Variants in TNFAIP8 observed in about 807,000 individuals in gnomAD.
TNFAIP8 encodes TNF alpha induced protein 8.
TNFAIP8 carries 7 observed loss-of-function variants against 13.3 expected under a neutral mutation model. The observed-to-expected ratio is 0.52, with a 90% CI of 0.30 to 0.99. The LOEUF is 0.99. Ranked by LOEUF, TNFAIP8 falls within the 50% of genes least tolerant of loss-of-function variation. The pLI is 0.07. For missense variants in TNFAIP8, 258 were observed against 236.9 expected, an observed-to-expected ratio of 1.09 and a Z score of -0.58; for synonymous variants, 94 against 87.6, an observed-to-expected ratio of 1.07 and a Z score of -0.41.
chr5:119,280,878 A>G (rs1414865021), intron 1 of TNFAIP8, among the ~76,000 whole-genome samples: 6 of 152,044 alleles, frequency 3.9e-5, no homozygotes, highest in Non-Finnish European at 7.4e-5. Flanking sequence ...AATTGATTTC[A>G]TGTCATTCTC....
chr5:119,324,039 T>C (rs1378052209), intron 1 of TNFAIP8, among the ~76,000 whole-genome samples: 4 of 152,046 alleles, frequency 2.6e-5, no homozygotes, highest in African/African-American at 9.7e-5. Flanking sequence ...GCTGTTGTAA[T>C]GACTCTAAAA....
Position 119,360,229 on chromosome 5 carries a change from T to C in TNFAIP8, c.31+4108T>C, listed in dbSNP as rs1329421472. ...AGGAAGTAGCCAAAAAGTGGGTGGG[T>C]GAAAGAGAATGCAGTAGAGCCAGAA... On this transcript the variant is annotated intron_variant, in intron 1 of 1. Transcript: ENST00000504771. 1.3e-5 allele frequency among the ~76,000 whole-genome samples: 2 copies of C among 152,084 alleles called. 1 individual carries two copies. Among genetic ancestry groups the C allele is most frequent in the East Asian group, 3.8e-4 (2 of 5,200 alleles).
intron 1 of TNFAIP8, among the ~76,000 whole-genome samples, chr5:119,383,096 A>G (rs1752547789): frequency 6.6e-6 from 1 of 152,246 alleles, no homozygotes; most frequent in Admixed American, 6.5e-5. Context: ...TTAACTAGAG[A>G]TAATTTTCCC....
At chr5:119,305,266 A>G (rs1329704512) in intron 1 of TNFAIP8, among the ~76,000 whole-genome samples, 2 of 152,174 alleles carry the variant, frequency 1.3e-5, no homozygotes, top group Non-Finnish European at 2.9e-5. Flanking sequence ...TCAAATGACT[A>G]TTTTCTTAAT....
chr5:119,282,751 T>C (rs1210912001), intron 1 of TNFAIP8, among the ~76,000 whole-genome samples: 1 of 152,182 alleles, frequency 6.6e-6, no homozygotes, highest in Non-Finnish European at 1.5e-5. Flanking sequence ...CATCAGTGGG[T>C]GCCAGGGATT....
At chr5:119,351,788 C>CTTTTTTTTTTTTTTTTTTTTTTTTTT (rs1177061965), upstream of TNFAIP8, among the ~76,000 whole-genome samples, 6 of 138,230 alleles carry the variant, frequency 4.3e-5, no homozygotes, top group South Asian at 2.2e-4. Context: ...TTTTCTTTTT[C>CTTTTTTTTTTTTTTTTTTTTTTTTTT]TTTTTTTCTT....
rs549966752 is a variant in TNFAIP8, at chr5:119,308,804, A to T, written c.1+39897A>T. On this transcript the variant is annotated intron_variant, in intron 1 of 1. Transcript: ENST00000274456. ...TTGAACCCAGGTGGCAGAGTGAGCC[A>T]AGATTGTGCCACTGCACTCCAGCCT... Among the ~76,000 whole-genome samples, 10 of 150,950 alleles carry T rather than the reference A, an allele frequency of 6.6e-5. No individual in the cohort carries two copies. In the East Asian group the frequency reaches 7.9e-4, roughly 12 times the overall value.
At chr5:119,298,432 G>T (rs1036812232) in intron 1 of TNFAIP8, among the ~76,000 whole-genome samples, 2 of 151,166 alleles carry the variant, frequency 1.3e-5, no homozygotes, top group African/African-American at 2.4e-5. Flanking sequence ...TTGAATATTG[G>T]CCCCCACTCT....
chr5:119,291,274 A>C (rs1748978428), intron 1 of TNFAIP8, among the ~76,000 whole-genome samples: 1 of 152,236 alleles, frequency 6.6e-6, no homozygotes, highest in Non-Finnish European at 1.5e-5. Context: ...TATCTAGCAC[A>C]CTGGGTGCCC....
chr5:119,321,801 C>A (rs1457046207), intron 1 of TNFAIP8, among the ~76,000 whole-genome samples: 1 of 152,210 alleles, frequency 6.6e-6, no homozygotes, highest in Non-Finnish European at 1.5e-5. Context: ...TATCGCTGAT[C>A]ACAGTCATTC....
At chr5:119,271,183 C>T (rs116658305) in intron 1 of TNFAIP8, among the ~76,000 whole-genome samples, 68 of 152,280 alleles carry the variant, frequency 4.5e-4, no homozygotes, top group African/African-American at 1.6e-3. Flanking sequence ...TTGCAATTCT[C>T]ATTCTGTTGA....
intron 1 of TNFAIP8, among the ~76,000 whole-genome samples, chr5:119,344,731 T>C (rs1750845300): frequency 6.6e-6 from 1 of 152,038 alleles, no homozygotes; most frequent in African/African-American, 2.4e-5. Context: ...AAAAGGCCAA[T>C]CCAGGAAACA....
chr5:119,310,531 A>G (rs1043508993), intron 1 of TNFAIP8, among the ~76,000 whole-genome samples: 5 of 152,184 alleles, frequency 3.3e-5, no homozygotes, highest in African/African-American at 7.2e-5. Flanking sequence ...CCTAGTCCTG[A>G]AGGCTTATTA....
chr5:119,322,997 G>C (rs150843200), intron 1 of TNFAIP8, among the ~76,000 whole-genome samples: 1 of 152,098 alleles, frequency 6.6e-6, no homozygotes, highest in Non-Finnish European at 1.5e-5. Context: ...TCGAAACTTG[G>C]AAGGCTGCTG....
chr5:119,355,969 G>C, upstream of TNFAIP8: 1 of 1,491,058 alleles, frequency 6.7e-7, no homozygotes, highest in Non-Finnish European at 9.0e-7. Flanking sequence ...GGGAGGTTTT[G>C]ATTTTAGTGG....
chr5:119,360,947 T>A (rs1042663510), intron 1 of TNFAIP8, among the ~76,000 whole-genome samples: 2 of 152,120 alleles, frequency 1.3e-5, no homozygotes, highest in Non-Finnish European at 2.9e-5. Context: ...GTAGACCAAG[T>A]GAGAGGCAGG....
intron 1 of TNFAIP8, among the ~76,000 whole-genome samples, chr5:119,296,865 G>T (rs1386810279): frequency 1.3e-5 from 2 of 152,110 alleles, no homozygotes. Context: ...GAGGGTGTAT[G>T]TGTTGAGGAA....
At chr5:119,356,760 A>C (rs10477585) in intron 1 of TNFAIP8, among the ~76,000 whole-genome samples, 1 of 148,668 alleles carries the variant, frequency 6.7e-6, no homozygotes, top group East Asian at 1.9e-4. Context: ...ATTTACTCCT[A>C]ACAGAGAACA....
intron 1 of TNFAIP8, among the ~76,000 whole-genome samples, chr5:119,321,822 AC>A (rs1323964477): frequency 6.6e-6 from 1 of 151,396 alleles, no homozygotes; most frequent in Non-Finnish European, 1.5e-5. Context: ...CCTTGCTCCA[AC>A]CCCCCACGGC....
Sources: allele counts gnomAD v4.1 joint callset (sites outside exome capture counted in the v4.1 genomes callset), GRCh38; gene constraint gnomAD v4.1.1; transcripts MANE v1.5; gene names NCBI Gene and HGNC (gene_info 2026-07-23, HGNC 2026-07-21).